Variants in CDH8 observed in about 807,000 individuals in gnomAD.
The protein encoded by CDH8 is cadherin-8.
A neutral mutation model predicts 68.1 loss-of-function variants in CDH8; 17 were observed. The observed-to-expected ratio is 0.25, with a 90% CI of 0.17 to 0.37. CDH8 has a LOEUF of 0.37. Among genes scored for constraint, CDH8 ranks in the 10% least tolerant of loss-of-function variants. The pLI is 1.00. For synonymous variants in CDH8, 372 were observed against 365.1 expected, an observed-to-expected ratio of 1.02 and a Z score of -0.21; for missense variants, 763 against 999.3, an observed-to-expected ratio of 0.76 and a Z score of 3.19.
At chr16:61,744,097 C>T (rs888416508) in intron 8 of CDH8, among the ~76,000 whole-genome samples, 1 of 152,122 alleles carries the variant, frequency 6.6e-6, no homozygotes, top group Non-Finnish European at 1.5e-5. Flanking sequence ...GTTTGTTTGA[C>T]AAGAATGATT....
intron 8 of CDH8, among the ~76,000 whole-genome samples, chr16:61,766,614 A>C (rs907288139): frequency 6.6e-6 from 1 of 151,796 alleles, no homozygotes; most frequent in Non-Finnish European, 1.5e-5. Context: ...AGCAGTGTAT[A>C]AGCATTCCTT....
intron 1 of CDH8, among the ~76,000 whole-genome samples, chr16:62,031,223 T>C (rs1902317042): frequency 6.6e-6 from 1 of 152,170 alleles, no homozygotes. Context: ...TCCCATATCA[T>C]TTAAAAGATG....
intron 10 of CDH8, among the ~76,000 whole-genome samples, chr16:61,705,303 T>C (rs1018149280): frequency 2.6e-5 from 4 of 152,278 alleles, no homozygotes; most frequent in South Asian, 4.1e-4. Context: ...AAAACCTCCA[T>C]TAACTGACAG....
At chr16:61,741,833 T>G (rs1204808459) in intron 8 of CDH8, among the ~76,000 whole-genome samples, 1 of 152,166 alleles carries the variant, frequency 6.6e-6, no homozygotes, top group Non-Finnish European at 1.5e-5. Flanking sequence ...TTTTGCCCTT[T>G]AAATTTCTAT....
At chr16:61,787,186 A>T (rs1231518812) in intron 8 of CDH8, among the ~76,000 whole-genome samples, 1 of 151,852 alleles carries the variant, frequency 6.6e-6, no homozygotes, top group Non-Finnish European at 1.5e-5. Context: ...TTCGCAACCT[A>T]CTCATCTGAC....
intron 8 of CDH8, among the ~76,000 whole-genome samples, chr16:61,755,225 G>T (rs1353132216): frequency 6.6e-6 from 1 of 152,122 alleles, no homozygotes; most frequent in African/African-American, 2.4e-5. Flanking sequence ...CCAACTATTT[G>T]TCAGTAAGGG....
intron 2 of CDH8, among the ~76,000 whole-genome samples, chr16:61,923,890 T>C (rs1161212273): frequency 6.7e-6 from 1 of 148,366 alleles, no homozygotes; most frequent in African/African-American, 2.5e-5. Flanking sequence ...TATTTAAATA[T>C]ATACACATAT....
intron 2 of CDH8, among the ~76,000 whole-genome samples, chr16:61,988,983 G>C (rs1965672828): frequency 6.6e-6 from 1 of 152,010 alleles, no homozygotes; most frequent in African/African-American, 2.4e-5. Flanking sequence ...AGAGGGTCAG[G>C]GTACAGGCAA....
intron 4 of CDH8, among the ~76,000 whole-genome samples, chr16:61,842,829 AT>A (rs1962716185): frequency 6.6e-6 from 1 of 152,110 alleles, no homozygotes; most frequent in Non-Finnish European, 1.5e-5. Flanking sequence ...TGTTGTGCTT[AT>A]TTTCGCTCTT....
intron 2 of CDH8, among the ~76,000 whole-genome samples, chr16:61,927,934 CAT>C (rs1233454251): frequency 6.6e-6 from 1 of 152,236 alleles, no homozygotes. Context: ...CATACGAACA[CAT>C]GAGAGCTCCA....
intron 1 of CDH8, among the ~76,000 whole-genome samples, chr16:62,030,794 A>G (rs1902306247): frequency 2.0e-5 from 3 of 152,124 alleles, no homozygotes; most frequent in Non-Finnish European, 4.4e-5. Context: ...TAAAATATCA[A>G]TAAACACATC....
intron 9 of CDH8, among the ~76,000 whole-genome samples, chr16:61,722,972 T>C (rs1239707795): frequency 1.3e-5 from 2 of 150,698 alleles, no homozygotes; most frequent in Admixed American, 6.6e-5. Context: ...ACTAGATTTA[T>C]TTATAGTTAC....
chr16:61,855,434 G>T (rs776286775), intron 4 of CDH8, among the ~76,000 whole-genome samples: 7 of 152,022 alleles, frequency 4.6e-5, no homozygotes, highest in Non-Finnish European at 8.8e-5. Flanking sequence ...CTTTATTTAT[G>T]GTGGAAAAAG....
intron 2 of CDH8, among the ~76,000 whole-genome samples, chr16:61,984,776 G>A (rs1425120317): frequency 6.6e-6 from 1 of 152,040 alleles, no homozygotes; most frequent in South Asian, 2.1e-4. Context: ...AGAACCTAAA[G>A]ATATTCTCTC....
chr16:61,740,865 C>T (rs556361703), intron 8 of CDH8, among the ~76,000 whole-genome samples: 1 of 152,094 alleles, frequency 6.6e-6, no homozygotes, highest in African/African-American at 2.4e-5. Context: ...TATATGTCTT[C>T]TGATGCAAAA....
intron 2 of CDH8, among the ~76,000 whole-genome samples, chr16:61,958,436 A>T (rs1455548614): frequency 6.6e-6 from 1 of 152,218 alleles, no homozygotes; most frequent in Non-Finnish European, 1.5e-5. Context: ...TTCATCCATA[A>T]CAGCAACATA....
intron 10 of CDH8, among the ~76,000 whole-genome samples, chr16:61,659,740 A>G (rs1358854797): frequency 6.6e-6 from 1 of 152,100 alleles, no homozygotes; most frequent in East Asian, 1.9e-4. Flanking sequence ...TAATCTTCAC[A>G]CCAGCTCCAG....
chr16:61,967,429 A>T (rs1965270138), intron 2 of CDH8, among the ~76,000 whole-genome samples: 1 of 152,124 alleles, frequency 6.6e-6, no homozygotes, highest in Middle Eastern at 3.2e-3. Context: ...AAATATTCTT[A>T]TTGCAGGTTG....
chr16:61,830,306 GA>G (rs890303791), intron 4 of CDH8, among the ~76,000 whole-genome samples: 5 of 151,700 alleles, frequency 3.3e-5, no homozygotes, highest in African/African-American at 1.2e-4. Context: ...AGTAATTAGG[GA>G]AGACTGTTTT....
Sources: gnomAD v4.1 joint callset for allele counts (sites outside exome capture counted in the v4.1 genomes callset) on GRCh38, gnomAD v4.1.1 for gene constraint, MANE v1.5 for transcripts, NCBI Gene and HGNC (gene_info 2026-07-23, HGNC 2026-07-21) for gene names.